ZNF385D: variants seen among roughly 807,000 people sequenced by gnomAD.
The protein encoded by ZNF385D is zinc finger protein 659.
Under a neutral mutation model 35.8 loss-of-function variants are expected in ZNF385D, and 15 were observed. That is an observed-to-expected ratio of 0.42 (90% confidence interval 0.28 to 0.64). ZNF385D has a LOEUF of 0.64. Ranked by LOEUF, ZNF385D falls within the 30% of genes least tolerant of loss-of-function variation. ZNF385D has a pLI of 0.23. For missense variants in ZNF385D, 474 were observed against 494.6 expected (o/e 0.96, Z 0.39); for synonymous variants, 212 against 186.8 (o/e 1.13, Z -1.10).
intron 2 of ZNF385D, among the ~76,000 whole-genome samples, chr3:22,227,647 T>A (rs374683730): frequency 6.6e-6 from 1 of 152,076 alleles, no homozygotes; most frequent in Non-Finnish European, 1.5e-5. Flanking sequence ...AGGGAAGAGA[T>A]GAAAGCACCT....
rs1247121243 is a variant in ZNF385D at position 22,161,776 on chromosome 3, A to C, written c.325+7041T>G. Reference sequence around the variant, plus strand: ...TTGATGAAAATTTAAGGAAAACATCAGCTTTGCTGTAATAATATAAGTGAT... The same window carrying C: ...TTGATGAAAATTTAAGGAAAACATCCGCTTTGCTGTAATAATATAAGTGAT... On this transcript the variant is annotated intron_variant, in intron 3 of 5. Coordinates refer to the ZNF385D transcript ENST00000494108. Among the ~76,000 whole-genome samples the C allele has an allele frequency of 2.0e-5, 3 of 152,332 alleles. No individual in the cohort carries two copies. The East Asian group carries it at 5.8e-4, about 29-fold the overall frequency.
At chr3:21,815,828 T>C (rs1300032303) in intron 3 of ZNF385D, among the ~76,000 whole-genome samples, 3 of 152,120 alleles carry the variant, frequency 2.0e-5, no homozygotes, top group African/African-American at 7.3e-5. Context: ...TAACTCATTT[T>C]ATGAGGCCAG....
chr3:21,757,132 T>TG (rs1559591168), intron 3 of ZNF385D, among the ~76,000 whole-genome samples: 31 of 132,616 alleles, frequency 2.3e-4, no homozygotes, highest in Non-Finnish European at 4.8e-4. Context: ...TTTTTTTTTT[T>TG]TTTTTTTGTT....
At chr3:21,776,143 C>CA (rs1400658445) in intron 3 of ZNF385D, among the ~76,000 whole-genome samples, 11 of 151,620 alleles carry the variant, frequency 7.3e-5, no homozygotes, top group Non-Finnish European at 1.3e-4. Context: ...ATGAGTGTGT[C>CA]ATATTTACAT....
chr3:21,960,357 G>A (rs9879858), intron 3 of ZNF385D, among the ~76,000 whole-genome samples: 104,054 of 151,864 alleles, frequency 0.69, 36,797 homozygotes, highest in Non-Finnish European at 0.77. Context: ...ACTAATCATC[G>A]GGGAAATACA....
intron 3 of ZNF385D, among the ~76,000 whole-genome samples, chr3:21,876,847 G>GTT (rs1559714487): frequency 1.3e-5 from 2 of 152,102 alleles, no homozygotes; most frequent in Middle Eastern, 3.4e-3. Flanking sequence ...CTGTCTAAAT[G>GTT]TTCTTTCTTT....
chr3:21,583,946 T>TTTTATTTATTTATTTA (rs1362454558), intron 2 of ZNF385D, among the ~76,000 whole-genome samples: 4 of 137,180 alleles, frequency 2.9e-5, no homozygotes, highest in Admixed American at 1.4e-4. Flanking sequence ...CATGTATTTA[T>TTTTATTTATTTATTTA]TTTACTTATT....
intron 2 of ZNF385D, among the ~76,000 whole-genome samples, chr3:21,637,923 G>A (rs1369067690): frequency 6.6e-6 from 1 of 152,022 alleles, no homozygotes; most frequent in Non-Finnish European, 1.5e-5. Context: ...GGTTTAAGCT[G>A]AATCTAAAAT....
chr3:21,691,374 C>T (rs892058419), intron 1 of ZNF385D, among the ~76,000 whole-genome samples: 1 of 152,116 alleles, frequency 6.6e-6, no homozygotes, highest in Admixed American at 6.5e-5. Context: ...AGCAGATGTT[C>T]CACAGTTTTG....
chr3:21,460,083 G>T (rs1014415268), intron 4 of ZNF385D, among the ~76,000 whole-genome samples: 1 of 152,134 alleles, frequency 6.6e-6, no homozygotes, highest in Admixed American at 6.6e-5. Context: ...GCTCTTTAGT[G>T]TCCATGTTTC....
chr3:22,004,576 A>G (rs1477757548), intron 3 of ZNF385D, among the ~76,000 whole-genome samples: 1 of 152,172 alleles, frequency 6.6e-6, no homozygotes, highest in African/African-American at 2.4e-5. Context: ...GGAGCTCCTT[A>G]GGGCAAACCT....
intron 2 of ZNF385D, among the ~76,000 whole-genome samples, chr3:22,320,849 C>A (rs879293756): frequency 2.0e-5 from 3 of 151,678 alleles, no homozygotes; most frequent in South Asian, 2.1e-4. Flanking sequence ...TTTAATATTT[C>A]ATTAACTTAT....
intron 3 of ZNF385D, among the ~76,000 whole-genome samples, chr3:22,073,885 A>C (rs1456569341): frequency 2.6e-5 from 4 of 152,000 alleles, no homozygotes; most frequent in Admixed American, 6.6e-5. Flanking sequence ...CGATTGTTTT[A>C]TGCCATTCAT....
At chr3:22,270,028 T>A (rs1279694939) in intron 2 of ZNF385D, among the ~76,000 whole-genome samples, 1 of 151,920 alleles carries the variant, frequency 6.6e-6, no homozygotes, top group Non-Finnish European at 1.5e-5. Flanking sequence ...AATTGCAGAC[T>A]CTGGCTCAGA....
intron 3 of ZNF385D, among the ~76,000 whole-genome samples, chr3:22,040,918 G>A (rs1576209785): frequency 6.6e-6 from 1 of 152,090 alleles, no homozygotes; most frequent in East Asian, 1.9e-4. Context: ...TATTTTAATT[G>A]AGATATAATT....
intron 2 of ZNF385D, among the ~76,000 whole-genome samples, chr3:22,250,392 T>C (rs1221783655): frequency 1.3e-5 from 2 of 152,086 alleles, no homozygotes; most frequent in Non-Finnish European, 2.9e-5. Flanking sequence ...TATTTCTGCT[T>C]ATCAACCTCC....
At chr3:22,145,888 A>G (rs1704820728) in intron 3 of ZNF385D, among the ~76,000 whole-genome samples, 1 of 152,152 alleles carries the variant, frequency 6.6e-6, no homozygotes, top group South Asian at 2.1e-4. Context: ...ACCTCCAAGT[A>G]GTTGGAAATA....
intron 3 of ZNF385D, among the ~76,000 whole-genome samples, chr3:21,773,290 G>A (rs2071152389): frequency 6.6e-6 from 1 of 151,814 alleles, no homozygotes; most frequent in South Asian, 2.1e-4. Context: ...TTTTATACCT[G>A]GAAAGTTCAA....
intron 3 of ZNF385D, among the ~76,000 whole-genome samples, chr3:21,530,822 A>C (rs563422934): frequency 6.6e-6 from 1 of 152,314 alleles, no homozygotes; most frequent in East Asian, 1.9e-4. Context: ...CGCAAAGGGA[A>C]CAATGTCCTG....
Sources: allele counts gnomAD v4.1 joint callset (sites outside exome capture counted in the v4.1 genomes callset), GRCh38; gene constraint gnomAD v4.1.1; transcripts MANE v1.5; gene names NCBI Gene and HGNC (gene_info 2026-07-23, HGNC 2026-07-21).